Variants in TMTC2 observed in about 807,000 individuals in gnomAD.
The protein encoded by TMTC2 is protein O-mannosyl-transferase TMTC2.
TMTC2 carries 43 observed loss-of-function variants against 82.4 expected under a neutral mutation model. The observed-to-expected ratio is 0.52, with a 90% CI of 0.41 to 0.67. The LOEUF (loss-of-function observed/expected upper bound fraction) is 0.67. Among genes scored for constraint, TMTC2 ranks in the 30% least tolerant of loss-of-function variants. The pLI is 0.00. For synonymous variants in TMTC2, 408 were observed against 381.9 expected, an observed-to-expected ratio of 1.07 and a Z score of -0.80; for missense variants, 919 against 1,012.4, an observed-to-expected ratio of 0.91 and a Z score of 1.25.
At chr12:82,867,771 A>G (rs868304934) in intron 2 of TMTC2, among the ~76,000 whole-genome samples, 5 of 152,216 alleles carry the variant, frequency 3.3e-5, no homozygotes, top group Admixed American at 1.3e-4. Flanking sequence ...TTCAAGTAAA[A>G]ATTTGCCCAT....
intron 1 of TMTC2, among the ~76,000 whole-genome samples, chr12:82,800,378 C>G (rs908738252): frequency 6.6e-6 from 1 of 152,158 alleles, no homozygotes; most frequent in African/African-American, 2.4e-5. Flanking sequence ...CTGTCTGCTA[C>G]AAGTCCTACG....
chr12:83,037,030 C>T (rs1225884412), intron 9 of TMTC2, among the ~76,000 whole-genome samples: 5 of 152,210 alleles, frequency 3.3e-5, no homozygotes, highest in Non-Finnish European at 7.3e-5. Context: ...GGTCCACCCT[C>T]ATGACCCAGA....
intron 4 of TMTC2, among the ~76,000 whole-genome samples, chr12:82,952,512 C>A (rs189812292): frequency 1.7e-3 from 263 of 152,002 alleles, no homozygotes; most frequent in Middle Eastern, 3.4e-3. Context: ...TATATACATA[C>A]ACACACAGAC....
chr12:82,935,081 G>T (rs564902899), intron 4 of TMTC2, among the ~76,000 whole-genome samples: 1 of 152,016 alleles, frequency 6.6e-6, no homozygotes, highest in African/African-American at 2.4e-5. Flanking sequence ...TAAGGTTTTA[G>T]TAACTGTTAG....
chr12:82,689,451 G>A (rs763644929), intron 1 of TMTC2, among the ~76,000 whole-genome samples: 6 of 152,156 alleles, frequency 3.9e-5, no homozygotes, highest in Non-Finnish European at 7.4e-5. Flanking sequence ...TTTAAAAAAA[G>A]AAACTTATTA....
At chr12:83,049,376 A>G (rs571412371) in intron 9 of TMTC2, among the ~76,000 whole-genome samples, 91 of 152,138 alleles carry the variant, frequency 6.0e-4, no homozygotes, top group Admixed American at 1.2e-3. Flanking sequence ...CATGTACTCA[A>G]TGTTTAGCTC....
intron 3 of TMTC2, among the ~76,000 whole-genome samples, chr12:82,904,657 A>G (rs896741427): frequency 2.6e-5 from 4 of 152,220 alleles, no homozygotes; most frequent in Non-Finnish European, 5.9e-5. Context: ...TTAATGAGCA[A>G]GCCACATTAT....
At chr12:83,073,195 C>T (rs541446323) in intron 11 of TMTC2, among the ~76,000 whole-genome samples, 1 of 152,148 alleles carries the variant, frequency 6.6e-6, no homozygotes, top group East Asian at 1.9e-4. Flanking sequence ...TGTGTATTCT[C>T]TCAGCATTTG....
chr12:82,989,280 G>A (rs1019417461), intron 8 of TMTC2, among the ~76,000 whole-genome samples: 1 of 151,970 alleles, frequency 6.6e-6, no homozygotes, highest in Non-Finnish European at 1.5e-5. Flanking sequence ...GGTCCAAATG[G>A]CAGAGAAAGA....
At chr12:83,001,084 C>T (rs10746263) in intron 8 of TMTC2, among the ~76,000 whole-genome samples, 121,655 of 152,032 alleles carry the variant, frequency 0.8, 49,354 homozygotes, top group South Asian at 0.93. Context: ...GGGCCTGTGA[C>T]GGGAGGGGCT....
chr12:83,114,606 G>A (rs982791625), intron 11 of TMTC2, among the ~76,000 whole-genome samples: 8 of 152,058 alleles, frequency 5.3e-5, no homozygotes, highest in Non-Finnish European at 1.2e-4. Flanking sequence ...TCCTATTTAG[G>A]AAAAGCTGTA....
chr12:82,912,805 G>C (rs930783714), intron 3 of TMTC2, among the ~76,000 whole-genome samples: 3 of 151,966 alleles, frequency 2.0e-5, no homozygotes, highest in African/African-American at 7.2e-5. Flanking sequence ...GAGTGTGGTG[G>C]TGCATACCTG....
chr12:82,984,782 C>T (rs1230572090), intron 7 of TMTC2, among the ~76,000 whole-genome samples: 3 of 152,064 alleles, frequency 2.0e-5, no homozygotes, highest in Non-Finnish European at 4.4e-5. Flanking sequence ...ACCATATAAT[C>T]ACATAAGGGA....
chr12:82,903,422 G>T (rs1874126112), intron 3 of TMTC2, among the ~76,000 whole-genome samples: 1 of 151,948 alleles, frequency 6.6e-6, no homozygotes, highest in Admixed American at 6.6e-5. Flanking sequence ...TTTTTGTTTT[G>T]TTTTTTTGAG....
intron 1 of TMTC2, among the ~76,000 whole-genome samples, chr12:82,696,742 A>G (rs1267449489): frequency 6.6e-6 from 1 of 152,116 alleles, no homozygotes; most frequent in Non-Finnish European, 1.5e-5. Context: ...ACTTTTCAAT[A>G]CACTCCTGGC....
intron 8 of TMTC2, among the ~76,000 whole-genome samples, chr12:83,000,784 T>C (rs1382885307): frequency 6.6e-6 from 1 of 152,200 alleles, no homozygotes; most frequent in Non-Finnish European, 1.5e-5. Context: ...GCTCCACCCA[T>C]GCAACAAATT....
chr12:82,699,738 T>C (rs547385407), intron 1 of TMTC2, among the ~76,000 whole-genome samples: 1 of 151,584 alleles, frequency 6.6e-6, no homozygotes, highest in South Asian at 2.1e-4. Context: ...TCTTTCAGAG[T>C]TTTTCAAACA....
intron 11 of TMTC2, among the ~76,000 whole-genome samples, chr12:83,090,841 C>T (rs1454721529): frequency 6.6e-6 from 1 of 152,204 alleles, no homozygotes; most frequent in Non-Finnish European, 1.5e-5. Flanking sequence ...AGACATTGAA[C>T]TGTTCATAAA....
intron 4 of TMTC2, among the ~76,000 whole-genome samples, chr12:82,947,874 A>T (rs1346121760): frequency 6.6e-6 from 1 of 152,062 alleles, no homozygotes; most frequent in Non-Finnish European, 1.5e-5. Context: ...CCAGACCTCC[A>T]TCATTCTGTC....
Sources: gnomAD v4.1 joint callset for allele counts (sites outside exome capture counted in the v4.1 genomes callset) on GRCh38, gnomAD v4.1.1 for gene constraint, MANE v1.5 for transcripts, NCBI Gene and HGNC (gene_info 2026-07-23, HGNC 2026-07-21) for gene names.